The following KCNQ5 variants were observed in gnomAD, a reference collection of about 807,000 sequenced individuals.
The protein encoded by KCNQ5 is potassium voltage-gated channel subfamily KQT member 5.
In KCNQ5, 30 loss-of-function variants were observed where a neutral mutation model predicts 98.2. The ratio of observed to expected loss-of-function variants is 0.31; its 90% CI spans 0.23 to 0.41. The LOEUF (loss-of-function observed/expected upper bound fraction) is 0.41, where lower values mean the gene tolerates loss of function less well. Among genes scored for constraint, KCNQ5 ranks in the 10% least tolerant of loss-of-function variants. KCNQ5 has a pLI of 1.00. For missense variants in KCNQ5, 835 were observed against 1,182.5 expected (o/e 0.71, Z 4.31); for synonymous variants, 458 against 449.4 (o/e 1.02, Z -0.24).
chr6:72,628,754 C>T (rs1360100993), intron 1 of KCNQ5, among the ~76,000 whole-genome samples: 5 of 152,008 alleles, frequency 3.3e-5, no homozygotes, highest in Admixed American at 1.3e-4. Context: ...GGATTACAGA[C>T]GTGCGCCACC....
chr6:72,873,566 C>A (rs897533753), intron 1 of KCNQ5, among the ~76,000 whole-genome samples: 2 of 152,056 alleles, frequency 1.3e-5, no homozygotes, highest in Admixed American at 6.6e-5. Flanking sequence ...TTCCAGATAT[C>A]AGATGTGATT....
chr6:72,625,220 A>T (rs776491488), intron 1 of KCNQ5, among the ~76,000 whole-genome samples: 1 of 152,212 alleles, frequency 6.6e-6, no homozygotes, highest in Non-Finnish European at 1.5e-5. Flanking sequence ...AATTATTATA[A>T]TGGTATTTTA....
chr6:72,918,733 G>A (rs542569759), intron 1 of KCNQ5, among the ~76,000 whole-genome samples: 28 of 152,112 alleles, frequency 1.8e-4, no homozygotes, highest in Middle Eastern at 3.4e-3. Context: ...TAAAATTTTC[G>A]GGTCCTATCT....
At chr6:73,077,203 A>C in intron 3 of KCNQ5, 119 bp from the exon 4 acceptor site, 1 of 976,014 alleles carries the variant, frequency 1.0e-6, no homozygotes, top group Non-Finnish European at 1.5e-6. Flanking sequence ...GCAGCTGGGA[A>C]TCAAGATCTG....
chr6:72,902,384 G>A (rs916069248), intron 1 of KCNQ5, among the ~76,000 whole-genome samples: 2 of 152,088 alleles, frequency 1.3e-5, no homozygotes, highest in African/African-American at 4.8e-5. Flanking sequence ...CTATGTTGAA[G>A]AGGAGTGGTG....
At chr6:73,188,415 T>G (rs1489998557) in intron 11 of KCNQ5, among the ~76,000 whole-genome samples, 1 of 152,180 alleles carries the variant, frequency 6.6e-6, no homozygotes, top group Non-Finnish European at 1.5e-5. Flanking sequence ...TTGGGATATA[T>G]GAAGATGATT....
At chr6:72,824,309 A>G (rs1775886502) in intron 1 of KCNQ5, among the ~76,000 whole-genome samples, 1 of 152,162 alleles carries the variant, frequency 6.6e-6, no homozygotes, top group African/African-American at 2.4e-5. Flanking sequence ...TCTGTGAAAT[A>G]ATGAAGAAAA....
At chr6:72,765,190 C>G (rs1355503527) in intron 1 of KCNQ5, among the ~76,000 whole-genome samples, 2 of 151,914 alleles carry the variant, frequency 1.3e-5, no homozygotes, top group Non-Finnish European at 2.9e-5. Flanking sequence ...TTTTGAGAAT[C>G]CTTCGAATTG....
At chr6:73,124,976 TATATAC>T (rs1372570252) in intron 9 of KCNQ5, among the ~76,000 whole-genome samples, 2 of 18,694 alleles carry the variant, frequency 1.1e-4, no homozygotes, top group Non-Finnish European at 8.2e-5. Flanking sequence ...TATATATATA[TATATAC>T]ACACACACAC....
At chr6:72,638,833 A>G (rs6453595) in intron 1 of KCNQ5, among the ~76,000 whole-genome samples, 7,991 of 152,260 alleles carry the variant, frequency 0.052, 648 homozygotes, top group African/African-American at 0.18. Flanking sequence ...GCGGCAGTGC[A>G]GCATGACAAG....
At chr6:72,772,260 T>C (rs1363655195) in intron 1 of KCNQ5, among the ~76,000 whole-genome samples, 2 of 152,140 alleles carry the variant, frequency 1.3e-5, no homozygotes, top group African/African-American at 2.4e-5. Flanking sequence ...ATACAAAATT[T>C]CAATGTAGAC....
At chr6:72,915,519 T>C (rs1780098841) in intron 1 of KCNQ5, among the ~76,000 whole-genome samples, 1 of 152,194 alleles carries the variant, frequency 6.6e-6, no homozygotes, top group Non-Finnish European at 1.5e-5. Context: ...TTTTCCCAAA[T>C]AAATATTCCT....
chr6:72,743,330 G>A (rs1467525019), intron 1 of KCNQ5, among the ~76,000 whole-genome samples: 2 of 151,328 alleles, frequency 1.3e-5, no homozygotes, highest in African/African-American at 4.8e-5. Context: ...TATACATTAT[G>A]TATTTTAAAT....
intron 2 of KCNQ5, among the ~76,000 whole-genome samples, chr6:73,038,230 G>T (rs1364724246): frequency 6.6e-6 from 1 of 152,010 alleles, no homozygotes; most frequent in Non-Finnish European, 1.5e-5. Flanking sequence ...CATACATCGT[G>T]CAGCCTTAGT....
intron 1 of KCNQ5, among the ~76,000 whole-genome samples, chr6:72,873,271 T>C (rs1376870949): frequency 6.6e-6 from 1 of 152,150 alleles, no homozygotes; most frequent in Non-Finnish European, 1.5e-5. Context: ...TTTATTTGTA[T>C]TTACTTATTG....
chr6:72,726,208 ATTTT>A (rs371004096), intron 1 of KCNQ5, among the ~76,000 whole-genome samples: 54 of 142,048 alleles, frequency 3.8e-4, no homozygotes, highest in African/African-American at 1.2e-3. Flanking sequence ...TTAAATTTAA[ATTTT>A]TTTTTTTTTT....
intron 1 of KCNQ5, among the ~76,000 whole-genome samples, chr6:72,821,510 G>A (rs1193179377): frequency 1.3e-5 from 2 of 152,012 alleles, no homozygotes; most frequent in African/African-American, 4.8e-5. Flanking sequence ...GACATTTGGG[G>A]CTAAATATTC....
intron 1 of KCNQ5, among the ~76,000 whole-genome samples, chr6:72,999,729 T>C (rs558988945): frequency 1.3e-5 from 2 of 152,298 alleles, no homozygotes; most frequent in Admixed American, 6.5e-5. Context: ...ATTACACAAA[T>C]TTGCAATATG....
intron 1 of KCNQ5, among the ~76,000 whole-genome samples, chr6:72,979,342 T>A (rs1768316433): frequency 6.6e-6 from 1 of 152,254 alleles, no homozygotes; most frequent in Admixed American, 6.5e-5. Flanking sequence ...ATCTGTTCTT[T>A]CCTGACTTTT....
Sources: allele counts gnomAD v4.1 joint callset (sites outside exome capture counted in the v4.1 genomes callset), GRCh38; gene constraint gnomAD v4.1.1; transcripts MANE v1.5; gene names NCBI Gene and HGNC (gene_info 2026-07-23, HGNC 2026-07-21).